The following FAM83A variants were observed in gnomAD, a reference collection of about 807,000 sequenced individuals.
FAM83A encodes the protein scaffolding CK1 anchoring protein A.
In FAM83A, 21 loss-of-function variants were observed where a neutral mutation model predicts 24.4. The ratio of observed to expected loss-of-function variants is 0.86; its 90% CI spans 0.61 to 1.24. FAM83A has a LOEUF of 1.24. Among genes scored for constraint, FAM83A ranks in the 50% most tolerant of loss-of-function variants. The probability of loss-of-function intolerance (pLI) is 0.00; values close to 1 mark genes in which losing one functional copy is unlikely to be tolerated. For missense variants in FAM83A, 617 were observed against 579.8 expected (o/e 1.06, Z -0.66); for synonymous variants, 270 against 252.4 (o/e 1.07, Z -0.66).
exon 1 of FAM83A, chr8:123,182,702 T>C: frequency 9.1e-7 from 1 of 1,104,924 alleles, no homozygotes; most frequent in Non-Finnish European, 1.3e-6. Flanking sequence ...CAGCGGTAAA[T>C]CACTTCTTGG....
chr8:123,192,576 C>T (rs1413158310), intron 2 of FAM83A, among the ~76,000 whole-genome samples: 2 of 152,210 alleles, frequency 1.3e-5, no homozygotes, highest in Non-Finnish European at 2.9e-5. Context: ...ATGTGAACAC[C>T]ACCCATAGCT....
chr8:123,191,046 C>A (rs1019868103), intron 1 of FAM83A, among the ~76,000 whole-genome samples: 9 of 152,306 alleles, frequency 5.9e-5, no homozygotes, highest in Non-Finnish European at 1.3e-4. Context: ...TAGCCTTGGT[C>A]ATGTGGTCTC....
intron 3 of FAM83A, among the ~76,000 whole-genome samples, chr8:123,194,494 T>C (rs1447610670): frequency 4.0e-5 from 6 of 151,896 alleles, no homozygotes; most frequent in African/African-American, 1.4e-4. Flanking sequence ...TGCTTTTTTT[T>C]TTTTTTTGAG....
intron 1 of FAM83A, among the ~76,000 whole-genome samples, chr8:123,186,295 C>A (rs540901433): frequency 6.6e-6 from 1 of 152,166 alleles, no homozygotes; most frequent in African/African-American, 2.4e-5. Context: ...TCAGGGACAG[C>A]CAGTTCCCAT....
exon 4 of FAM83A, chr8:123,207,485 C>G: frequency 1.3e-6 from 2 of 1,583,400 alleles, no homozygotes; most frequent in Non-Finnish European, 1.7e-6. Flanking sequence ...TCCACCGCCC[C>G]GGTTCCAGCC....
At chr8:123,191,854 A>G in exon 2 of FAM83A, 1 of 1,614,008 alleles carries the variant, frequency 6.2e-7, no homozygotes, top group African/African-American at 1.3e-5. Flanking sequence ...CTTCTGTGAC[A>G]TTCTAGAGGC....
At chr8:123,204,576 CATGG>C (rs1265242047) in intron 3 of FAM83A, among the ~76,000 whole-genome samples, 7 of 148,872 alleles carry the variant, frequency 4.7e-5, no homozygotes, top group Non-Finnish European at 1.0e-4. Flanking sequence ...TCCTGGCTAA[CATGG>C]TGAAACCCCG....
At chr8:123,193,217 A>T (rs760061702) in intron 2 of FAM83A, among the ~76,000 whole-genome samples, 1 of 152,148 alleles carries the variant, frequency 6.6e-6, no homozygotes, top group Non-Finnish European at 1.5e-5. Context: ...TTAAGACAAT[A>T]CAGGGTCTAT....
intron 3 of FAM83A, among the ~76,000 whole-genome samples, chr8:123,204,020 G>T (rs1020023834): frequency 1.3e-5 from 2 of 151,852 alleles, no homozygotes; most frequent in Admixed American, 6.6e-5. Context: ...AAGCAAGGGC[G>T]TTATGATCAC....
intron 1 of FAM83A, among the ~76,000 whole-genome samples, chr8:123,187,415 G>T (rs59628816): frequency 1.3e-5 from 2 of 152,130 alleles, no homozygotes; most frequent in South Asian, 2.1e-4. Context: ...GCAGATTCAC[G>T]CAGAAGCGGC....
exon 1 of FAM83A, chr8:123,183,198 G>C: frequency 6.2e-7 from 1 of 1,613,586 alleles, no homozygotes; most frequent in Non-Finnish European, 8.5e-7. Context: ...AGGGCAGCGA[G>C]CCGGCCCTAC....
intron 1 of FAM83A, among the ~76,000 whole-genome samples, chr8:123,190,964 A>C (rs971901773): frequency 3.3e-5 from 5 of 152,158 alleles, no homozygotes; most frequent in African/African-American, 9.7e-5. Context: ...TCTTATTAGA[A>C]TAACTTAGAT....
Position 123,209,750 on chromosome 8 carries a change from A to G in FAM83A, c.*2062A>G, listed in dbSNP as rs538077386. The G allele has an allele frequency of 2.7e-5, 16 of 594,244 alleles. No homozygotes were observed. In the East Asian group the frequency reaches 3.3e-4, roughly 12 times the overall value. The allele number at this position is 594,244 out of a possible 1,614,324, so 36.8% of individuals were successfully genotyped here. ...GCCCCCCTACTCCTGACCACCCTCC[A>G]TCAGCAGTCTCCCCTCCGTGGTCGT... On this transcript the variant is annotated 3_prime_UTR_variant, in exon 4 of 4. Coordinates refer to ENST00000690554, the Ensembl canonical transcript of FAM83A. This position sits in a 1 kb window ranked among gnomAD's most constrained non-coding sequence, Gnocchi z 4.7.
chr8:123,200,473 C>G (rs1383038567), intron 3 of FAM83A, among the ~76,000 whole-genome samples: 3 of 152,182 alleles, frequency 2.0e-5, no homozygotes, highest in African/African-American at 7.2e-5. Context: ...CAGGAGGAAG[C>G]AGAACTAACA....
intron 3 of FAM83A, among the ~76,000 whole-genome samples, chr8:123,206,421 C>T (rs1213830884): frequency 6.6e-6 from 1 of 152,198 alleles, no homozygotes; most frequent in Admixed American, 6.5e-5. Flanking sequence ...TTTAGATTTT[C>T]GTGAAAACAC....
exon 1 of FAM83A, chr8:123,182,758 T>A: frequency 6.8e-7 from 1 of 1,479,756 alleles, no homozygotes; most frequent in Non-Finnish European, 9.0e-7. Flanking sequence ...CTCCCGGGGG[T>A]GCGGGAGCCC....
intron 2 of FAM83A, chr8:123,192,772 C>T (rs1003447398): frequency 6.6e-6 from 1 of 152,364 alleles, no homozygotes; most frequent in Non-Finnish European, 1.5e-5. Flanking sequence ...CTCCTGCTGC[C>T]ACAGGCCTTG....
At chr8:123,198,068 C>T (rs1327535415) in intron 3 of FAM83A, among the ~76,000 whole-genome samples, 1 of 152,114 alleles carries the variant, frequency 6.6e-6, no homozygotes, top group Admixed American at 6.5e-5. Flanking sequence ...GAGGCGTAGG[C>T]TGCAGTGAGC....
At chr8:123,186,194 G>A (rs1246034308) in intron 1 of FAM83A, among the ~76,000 whole-genome samples, 1 of 152,058 alleles carries the variant, frequency 6.6e-6, no homozygotes, top group African/African-American at 2.4e-5. Context: ...GGTTTGTGAT[G>A]TCCCTGTCAC....
Sources: gnomAD v4.1 joint callset for allele counts (sites outside exome capture counted in the v4.1 genomes callset) on GRCh38, gnomAD v4.1.1 for gene constraint, Gnocchi (gnomAD v3.1) non-coding constraint, MANE v1.5 for transcripts, NCBI Gene and HGNC (gene_info 2026-07-23, HGNC 2026-07-21) for gene names.